RANBP2: variants seen among roughly 807,000 people sequenced by gnomAD.
RANBP2 encodes RAN binding protein 2.
In RANBP2, 57 loss-of-function variants were observed where a neutral mutation model predicts 303.6. The ratio of observed to expected loss-of-function variants is 0.19; its 90% CI spans 0.15 to 0.23. RANBP2 has a LOEUF of 0.23. RANBP2 is among the 10% of genes least tolerant of loss of function. The pLI is 1.00. For synonymous variants in RANBP2, 1,167 were observed against 1,301.5 expected (o/e 0.90, Z 2.23); for missense variants, 3,138 against 3,780.8 (o/e 0.83, Z 4.46).
At chr2:109,239,990 A>G in the RANBP2 span, among the ~76,000 whole-genome samples, 28 of 152,314 alleles carry the variant, frequency 1.8e-4, no homozygotes, top group Middle Eastern at 3.4e-3. Context: ...CCTCTGTGGA[A>G]TGCTTGCTGG....
the RANBP2 span, among the ~76,000 whole-genome samples, chr2:109,579,809 T>A: frequency 6.6e-6 from 1 of 151,850 alleles, no homozygotes; most frequent in African/African-American, 2.4e-5. Context: ...GCTAACACAA[T>A]CTTGATTTAA....
the RANBP2 span, among the ~76,000 whole-genome samples, chr2:109,542,045 C>G: frequency 6.6e-6 from 1 of 152,152 alleles, no homozygotes; most frequent in East Asian, 1.9e-4. Flanking sequence ...GGAGTACGTA[C>G]CAGGATTAAC....
the RANBP2 span, among the ~76,000 whole-genome samples, chr2:109,571,672 C>T: frequency 6.6e-6 from 1 of 152,178 alleles, no homozygotes; most frequent in Admixed American, 6.5e-5. Context: ...GACTGTCCTA[C>T]ACTATTTTAT....
chr2:109,277,169 G>T, the RANBP2 span, among the ~76,000 whole-genome samples: 2 of 152,144 alleles, frequency 1.3e-5, no homozygotes, highest in African/African-American at 2.4e-5. Flanking sequence ...TCTTCATTAC[G>T]TAGTTAGAAA....
chr2:109,737,277 A>G, the RANBP2 span: 2 of 714,480 alleles, frequency 2.8e-6, no homozygotes, highest in South Asian at 1.6e-5. Flanking sequence ...GATATTTCAA[A>G]TACCTTTTGG....
the RANBP2 span, among the ~76,000 whole-genome samples, chr2:109,474,497 C>T: frequency 1.3e-5 from 2 of 152,150 alleles, no homozygotes; most frequent in Non-Finnish European, 1.5e-5. Flanking sequence ...TGGGGACAGG[C>T]GGCAGCAGTG....
At chr2:109,306,458 C>T in the RANBP2 span, among the ~76,000 whole-genome samples, 1 of 152,190 alleles carries the variant, frequency 6.6e-6, no homozygotes, top group Non-Finnish European at 1.5e-5. Context: ...CTGCACATAC[C>T]GCAGAAGGTA....
chr2:109,417,236 C>T, the RANBP2 span, among the ~76,000 whole-genome samples: 5 of 152,160 alleles, frequency 3.3e-5, no homozygotes, highest in African/African-American at 1.2e-4. Context: ...TTCTCCTTCT[C>T]CCTCCCTTGG....
At chr2:109,496,805 T>C in the RANBP2 span, among the ~76,000 whole-genome samples, 1 of 152,244 alleles carries the variant, frequency 6.6e-6, no homozygotes, top group Non-Finnish European at 1.5e-5. Flanking sequence ...CAGATGGAAT[T>C]AAAGTTGCTA....
chr2:108,873,959 TACTA>T, the RANBP2 span, among the ~76,000 whole-genome samples: 1 of 152,094 alleles, frequency 6.6e-6, no homozygotes, highest in Non-Finnish European at 1.5e-5. Flanking sequence ...GATTCATAAA[TACTA>T]ACGCTGATCT....
At chr2:109,224,785 A>T in the RANBP2 span, among the ~76,000 whole-genome samples, 1 of 152,118 alleles carries the variant, frequency 6.6e-6, no homozygotes, top group Admixed American at 6.5e-5. Flanking sequence ...TGAAACCTGG[A>T]GAGGGAGGTT....
intron 23 of RANBP2, among the ~76,000 whole-genome samples, chr2:108,774,320 C>T (rs1271810916): frequency 6.6e-6 from 1 of 151,982 alleles, no homozygotes; most frequent in Non-Finnish European, 1.5e-5. Flanking sequence ...GCTGGTTGGG[C>T]TCAGTGATAT....
chr2:109,629,041 A>G, the RANBP2 span, among the ~76,000 whole-genome samples: 3 of 151,556 alleles, frequency 2.0e-5, no homozygotes, highest in African/African-American at 7.3e-5. Context: ...CGTCTCTACT[A>G]AAATTACAAA....
the RANBP2 span, among the ~76,000 whole-genome samples, chr2:109,264,096 G>T: frequency 1.3e-5 from 2 of 152,216 alleles, no homozygotes; most frequent in Non-Finnish European, 2.9e-5. Context: ...ACAGATCTCA[G>T]TCTGTGGGTG....
At chr2:108,916,870 C>T in the RANBP2 span, among the ~76,000 whole-genome samples, 1 of 152,192 alleles carries the variant, frequency 6.6e-6, no homozygotes, top group Non-Finnish European at 1.5e-5. Flanking sequence ...TGCAGGGAGA[C>T]ACTTCTCACA....
At chr2:108,808,262 A>G in the RANBP2 span, among the ~76,000 whole-genome samples, 1 of 152,208 alleles carries the variant, frequency 6.6e-6, no homozygotes, top group Non-Finnish European at 1.5e-5. Flanking sequence ...CTATCGATGG[A>G]CACATAGGTT....
At chr2:109,405,422 G>C in the RANBP2 span, among the ~76,000 whole-genome samples, 1 of 152,282 alleles carries the variant, frequency 6.6e-6, no homozygotes, top group East Asian at 1.9e-4. Context: ...GGAGCCTTCA[G>C]ACTGGCCCTT....
chr2:108,987,700 G>A, the RANBP2 span, among the ~76,000 whole-genome samples: 2 of 152,146 alleles, frequency 1.3e-5, no homozygotes, highest in African/African-American at 4.8e-5. Flanking sequence ...GATGGGGAGG[G>A]GTACAGTGGA....
the RANBP2 span, among the ~76,000 whole-genome samples, chr2:109,095,806 G>A: frequency 6.6e-6 from 1 of 152,166 alleles, no homozygotes; most frequent in Non-Finnish European, 1.5e-5. Context: ...TTAAAAACTA[G>A]CCTTAGCATT....
Sources: gnomAD v4.1 joint callset for allele counts (sites outside exome capture counted in the v4.1 genomes callset) on GRCh38, gnomAD v4.1.1 for gene constraint, MANE v1.5 for transcripts, NCBI Gene and HGNC (gene_info 2026-07-23, HGNC 2026-07-21) for gene names.